Variants in RYR2 observed in about 807,000 individuals in gnomAD.
The protein encoded by RYR2 is cardiac muscle ryanodine receptor-calcium release channel.
A neutral mutation model predicts 601.1 loss-of-function variants in RYR2; 227 were observed. The observed-to-expected ratio is 0.38, with a 90% CI of 0.34 to 0.42. The LOEUF is 0.42. Among genes scored for constraint, RYR2 ranks in the 10% least tolerant of loss-of-function variants. The pLI is 1.00. For synonymous variants in RYR2, 2,223 were observed against 2,175.1 expected, an observed-to-expected ratio of 1.02 and a Z score of -0.61; for missense variants, 4,646 against 6,156.5, an observed-to-expected ratio of 0.75 and a Z score of 8.21.
At chr1:237,439,133 A>G (rs1210598666) in intron 12 of RYR2, among the ~76,000 whole-genome samples, 1 of 151,758 alleles carries the variant, frequency 6.6e-6, no homozygotes, top group East Asian at 1.9e-4. Context: ...TAGATGTCAC[A>G]TTTGTTGTTC....
chr1:237,289,979 A>G (rs1007156808), intron 2 of RYR2, among the ~76,000 whole-genome samples: 4 of 152,224 alleles, frequency 2.6e-5, no homozygotes, highest in Non-Finnish European at 2.9e-5. Context: ...ACAGTTTGTC[A>G]GTTCCTTATA....
At chr1:237,577,551 T>TGAGAGA (rs60270548) in intron 29 of RYR2, among the ~76,000 whole-genome samples, 1 of 129,530 alleles carries the variant, frequency 7.7e-6, no homozygotes, top group Non-Finnish European at 1.7e-5. Context: ...TGTGTGTGTT[T>TGAGAGA]GAGAGAGAGA....
At chr1:237,486,976 C>A (rs1662750496) in intron 17 of RYR2, among the ~76,000 whole-genome samples, 1 of 152,024 alleles carries the variant, frequency 6.6e-6, no homozygotes, top group African/African-American at 2.4e-5. Flanking sequence ...CAAATCATTT[C>A]TATAAACTTA....
rs531337189 is a variant in RYR2 at position 237,670,072 on chromosome 1, C to T, written c.8590+2114C>T. Among the ~76,000 whole-genome samples the T allele has an allele frequency of 4.6e-3, 702 of 152,252 alleles. 6 individuals are homozygous for T. The highest frequency in any genetic ancestry group is 0.015 in the Admixed American group (226 of 15,300). On this transcript the variant is annotated intron_variant, in intron 58 of 104. Coordinates refer to ENST00000366574, the MANE Select transcript of RYR2 (RefSeq NM_001035.3). Reference sequence around the variant, plus strand: ...GAGGCCGAGGCTGGCGGATCACTTGCGGTTAGGGGCTGGAGACCGGCCTGG... The same window carrying T: ...GAGGCCGAGGCTGGCGGATCACTTGTGGTTAGGGGCTGGAGACCGGCCTGG...
At chr1:237,558,236 C>T (rs1252772651) in intron 27 of RYR2, among the ~76,000 whole-genome samples, 1 of 152,142 alleles carries the variant, frequency 6.6e-6, no homozygotes, top group Non-Finnish European at 1.5e-5. Flanking sequence ...CAGGGAAAAT[C>T]AGGAGGAAGC....
intron 84 of RYR2, among the ~76,000 whole-genome samples, chr1:237,770,525 C>A (rs1694186319): frequency 6.6e-6 from 1 of 152,104 alleles, no homozygotes; most frequent in Admixed American, 6.6e-5. Context: ...AAAGTTTAAG[C>A]CTTTAGGTCA....
At chr1:237,750,661 G>A (rs992311971) in intron 80 of RYR2, among the ~76,000 whole-genome samples, 1 of 146,186 alleles carries the variant, frequency 6.8e-6, no homozygotes, top group African/African-American at 2.5e-5. Context: ...AATTTCTGAA[G>A]TAAAATTCAA....
chr1:237,648,640 C>T (rs774269968), intron 49 of RYR2, 27 bp downstream of exon 49: 2 of 1,593,522 alleles, frequency 1.3e-6, no homozygotes, highest in South Asian at 2.3e-5. Flanking sequence ...GGACTTCCTC[C>T]TCTCTTGACT....
chr1:237,687,752 G>A (rs1686560220), intron 63 of RYR2, among the ~76,000 whole-genome samples: 1 of 152,146 alleles, frequency 6.6e-6, no homozygotes, highest in Non-Finnish European at 1.5e-5. Flanking sequence ...TTATTAAAGA[G>A]CAAATGAATG....
intron 2 of RYR2, among the ~76,000 whole-genome samples, chr1:237,280,041 G>A (rs949622986): frequency 4.6e-5 from 7 of 152,190 alleles, no homozygotes; most frequent in East Asian, 1.9e-4. Flanking sequence ...TTTCTATGGC[G>A]TCACTTTAAT....
intron 55 of RYR2, 149 bp downstream of exon 55, chr1:237,660,223 T>C (rs1313815423): frequency 1.6e-5 from 7 of 435,510 alleles, no homozygotes; most frequent in Non-Finnish European, 2.7e-5. Flanking sequence ...AAAAACCTTC[T>C]TATATTTTGT....
intron 1 of RYR2, among the ~76,000 whole-genome samples, chr1:237,193,913 G>GA (rs1680282369): frequency 6.6e-6 from 1 of 152,122 alleles, no homozygotes; most frequent in African/African-American, 2.4e-5. Flanking sequence ...CTCTTATGAA[G>GA]AAAAGATTGC....
At chr1:237,446,732 T>C (rs1489886271) in intron 14 of RYR2, among the ~76,000 whole-genome samples, 2 of 152,194 alleles carry the variant, frequency 1.3e-5, no homozygotes, top group African/African-American at 4.8e-5. Flanking sequence ...AGTCCATTTT[T>C]CTGCCTCGTC....
chr1:237,622,090 CTATAAT>C (rs1229064190), intron 38 of RYR2, among the ~76,000 whole-genome samples: 1 of 151,868 alleles, frequency 6.6e-6, no homozygotes, highest in African/African-American at 2.4e-5. Context: ...GCATATAAGT[CTATAAT>C]TATATCAAAA....
intron 71 of RYR2, among the ~76,000 whole-genome samples, chr1:237,716,380 TATG>T (rs201302367): frequency 0.05 from 7,663 of 152,230 alleles, 616 homozygotes; most frequent in African/African-American, 0.18. Flanking sequence ...ATCACGAAAC[TATG>T]TTGTAACTTT....
chr1:237,331,970 T>A (rs1191332377), intron 3 of RYR2, among the ~76,000 whole-genome samples: 6 of 152,194 alleles, frequency 3.9e-5, no homozygotes, highest in Non-Finnish European at 4.4e-5. Flanking sequence ...GGATTAATGG[T>A]CAAATTTTTT....
chr1:237,633,766 T>G, intron 43 of RYR2, 56 bp downstream of exon 43: 1 of 1,500,852 alleles, frequency 6.7e-7, no homozygotes. Context: ...ATATTACATT[T>G]AAAAAGCAAA....
At chr1:237,240,432 A>C (rs897217512) in intron 1 of RYR2, among the ~76,000 whole-genome samples, 4 of 152,124 alleles carry the variant, frequency 2.6e-5, no homozygotes, top group African/African-American at 9.7e-5. Flanking sequence ...CTTAAGTAGA[A>C]AAACAAAGGT....
chr1:237,523,097 G>A (rs1480402109), intron 24 of RYR2, among the ~76,000 whole-genome samples: 4 of 152,178 alleles, frequency 2.6e-5, no homozygotes, highest in Non-Finnish European at 4.4e-5. Flanking sequence ...TGATATGGTT[G>A]TAGTGTTAAT....
Sources: gnomAD v4.1 joint callset for allele counts (sites outside exome capture counted in the v4.1 genomes callset) on GRCh38, gnomAD v4.1.1 for gene constraint, MANE v1.5 for transcripts, NCBI Gene and HGNC (gene_info 2026-07-23, HGNC 2026-07-21) for gene names.